ZC3H13: variants seen among roughly 807,000 people sequenced by gnomAD.
ZC3H13 encodes the protein zinc finger CCCH domain-containing protein 13.
A neutral mutation model predicts 204.1 loss-of-function variants in ZC3H13; 64 were observed. That is an observed-to-expected ratio of 0.31 (90% CI 0.26 to 0.39). ZC3H13 has a LOEUF of 0.39. Among genes scored for constraint, ZC3H13 ranks in the 10% least tolerant of loss-of-function variants. ZC3H13 has a pLI of 1.00. For missense variants in ZC3H13, 1,833 were observed against 2,082.7 expected (o/e 0.88, Z 2.33); for synonymous variants, 667 against 693.7 (o/e 0.96, Z 0.60).
intron 8 of ZC3H13, among the ~76,000 whole-genome samples, chr13:45,995,394 T>C (rs2040258614): frequency 6.6e-6 from 1 of 152,200 alleles, no homozygotes; most frequent in Admixed American, 6.5e-5. Context: ...AGTCCAAGCC[T>C]TGGTTAATTT....
At chr13:45,999,146 G>A (rs2040560233) in intron 8 of ZC3H13, among the ~76,000 whole-genome samples, 1 of 152,120 alleles carries the variant, frequency 6.6e-6, no homozygotes, top group Non-Finnish European at 1.5e-5. Flanking sequence ...AGGGTGAGGT[G>A]GGAGGATCAC....
At chr13:46,044,649 G>A (rs1363348858) in intron 3 of ZC3H13, among the ~76,000 whole-genome samples, 1 of 151,986 alleles carries the variant, frequency 6.6e-6, no homozygotes, top group Non-Finnish European at 1.5e-5. Flanking sequence ...AGACACCATG[G>A]AATTCTGCTG....
chr13:46,046,280 T>C (rs979977341), intron 1 of ZC3H13, among the ~76,000 whole-genome samples: 1 of 152,138 alleles, frequency 6.6e-6, no homozygotes, highest in Non-Finnish European at 1.5e-5. Flanking sequence ...TTACCATTAT[T>C]AGTAATAACA....
At position 45,988,844 on chromosome 13, in the gene ZC3H13, T is replaced by C; in HGVS notation, c.1198A>G (p.Arg400Gly). Reference protein sequence around the residue: ...RHRSPMREKGRHDHERTSQSH... With the variant: ...RHRSPMREKGGHDHERTSQSH... ...TGTGAAGTTCGTTCATGATCATGTC[T>C]CCCTTTCTCTCGCATTGGAGAGCGA... Residue 400 changes from arginine (R) to glycine (G), a missense_variant, in exon 9 of 19, where the codon AGA becomes GGA. Physicochemically the swap from Arg to Gly is moderately radical, Grantham distance 125. Around this residue, in one of 5 missense-constraint regions of ZC3H13, gnomAD observed 1,574 missense variants for 1,757.2 expected, o/e 0.90. Coordinates refer to ENST00000679008, the MANE Select transcript of ZC3H13 (RefSeq NM_001330564.2). The C allele has an allele frequency of 6.2e-7, 1 of 1,614,212 alleles. No individual in the cohort carries two copies. Among genetic ancestry groups the C allele is most frequent in the Non-Finnish European group, 8.5e-7 (1 of 1,180,034 alleles).
chr13:45,963,111 T>C (rs1951811176), intron 17 of ZC3H13: 2 of 966,978 alleles, frequency 2.1e-6, no homozygotes, highest in Non-Finnish European at 2.5e-6. Flanking sequence ...TTGCTCCTAA[T>C]TACCATAGGA....
chr13:45,962,084 T>G (rs1054102676), intron 17 of ZC3H13: 1 of 784,976 alleles, frequency 1.3e-6, no homozygotes, highest in Admixed American at 6.2e-5. Flanking sequence ...CAGTATCAAT[T>G]ATTTCATAAA....
Position 45,963,909 on chromosome 13 carries a change from C to A in ZC3H13, c.4608G>T (p.Lys1536Asn). 6.2e-7 allele frequency: 1 copy of A among 1,614,102 alleles called. No individual in the cohort carries two copies. The highest frequency in any genetic ancestry group is 8.5e-7 in the Non-Finnish European group (1 of 1,180,000). ...AVMLRVGISK[K>N]LAGSELFAKV... ...TGGCAAAGAGTTCAGAACCTGCCAA[C>A]TTTTTAGAAATCCCAACTCTTAGCA... The change falls in exon 17 of 19, where the codon AAG (lysine) becomes AAT (asparagine). Residue 1536 changes from lysine to asparagine, a missense_variant. Coordinates refer to ENST00000679008, the MANE Select transcript of ZC3H13 (RefSeq NM_001330564.2).
At chr13:45,984,006 T>C (rs554781571) in intron 10 of ZC3H13, among the ~76,000 whole-genome samples, 22 of 152,288 alleles carry the variant, frequency 1.4e-4, no homozygotes, top group African/African-American at 5.1e-4. Context: ...AAAGCACTGT[T>C]TGAAAGAGAT....
intron 13 of ZC3H13, 51 bp from the exon 14 acceptor site, chr13:45,970,022 C>T (rs750695740): frequency 5.2e-6 from 8 of 1,542,636 alleles, no homozygotes; most frequent in Non-Finnish European, 6.9e-6. Context: ...GTAACCACTG[C>T]ATGGTACATA....
chr13:46,042,310 G>A (rs755048816), intron 3 of ZC3H13, 35 bp from the exon 4 acceptor site: 2 of 1,472,086 alleles, frequency 1.4e-6, no homozygotes, highest in East Asian at 2.3e-5. Flanking sequence ...AACAAAAAAC[G>A]AAACAAAACA....
chr13:46,005,370 T>C (rs2041061072), intron 7 of ZC3H13, among the ~76,000 whole-genome samples: 1 of 152,248 alleles, frequency 6.6e-6, no homozygotes, highest in African/African-American at 2.4e-5. Context: ...GATGTCTCTG[T>C]CATTTCCATT....
At chr13:46,044,859 G>T in intron 3 of ZC3H13, 96 bp downstream of exon 3, 1 of 780,580 alleles carries the variant, frequency 1.3e-6, no homozygotes, top group Non-Finnish European at 1.9e-6. Context: ...TAGAAAATCT[G>T]ACCAAATATA....
chr13:46,049,047 G>T (rs2044210947), intron 1 of ZC3H13, among the ~76,000 whole-genome samples: 1 of 151,500 alleles, frequency 6.6e-6, no homozygotes, highest in Non-Finnish European at 1.5e-5. Flanking sequence ...AGCTACTCGG[G>T]AAGCTGAGGC....
At chr13:46,047,924 G>A (rs1300067430) in intron 1 of ZC3H13, among the ~76,000 whole-genome samples, 4 of 151,942 alleles carry the variant, frequency 2.6e-5, no homozygotes, top group Non-Finnish European at 4.4e-5. Context: ...ACTGCCTCAA[G>A]TGGACTAACA....
rs746288765 is a variant in ZC3H13 at position 45,979,807 on chromosome 13, A to T, written c.1912+6T>A. On this transcript the variant is annotated splice_donor_region_variant and intron_variant, in intron 11 of 18. Transcript: ENST00000679008. The stretch of plus-strand genomic sequence containing the variant: ...TCACTATTTAATAAAATTCTGTTTG[A>T]CAAACCTCTCTCTCTGTTGTCACGA... 2 of 1,555,094 alleles carry T rather than the reference A, an allele frequency of 1.3e-6. No individual in the cohort carries two copies. Among genetic ancestry groups the T allele is most frequent in the Admixed American group, 4.2e-5 (2 of 47,374 alleles).
At chr13:45,962,500 CT>C in intron 17 of ZC3H13, 1 of 983,708 alleles carries the variant, frequency 1.0e-6, no homozygotes, top group South Asian at 4.7e-5. Context: ...GAGTTATTTG[CT>C]TAAGGTCACA....
Position 46,045,430 on chromosome 13 carries a change from T to G in ZC3H13, c.78A>C (p.Val26=), listed in dbSNP as rs1198756587. Residue 26 remains valine (V), a synonymous_variant, in exon 2 of 19, where the codon GTA becomes GTC. Coordinates refer to ENST00000679008, the MANE Select transcript of ZC3H13 (RefSeq NM_001330564.2). ...CAGTGCTGGGTCCAAGCCTCTCAAA[T>G]ACACTGGGTCTTCGGGATGTGCTAT... ...ISDSTSRRPS[V]FERLGPSTGS... is the part of the protein sequence containing the mutation. 1 of 1,614,128 alleles carries G rather than the reference T, an allele frequency of 6.2e-7. No homozygotes were observed. Among genetic ancestry groups the G allele is most frequent in the Non-Finnish European group, 8.5e-7 (1 of 1,179,992 alleles).
chr13:45,997,690 G>A (rs774189994), intron 8 of ZC3H13, among the ~76,000 whole-genome samples: 4 of 152,126 alleles, frequency 2.6e-5, no homozygotes, highest in South Asian at 4.1e-4. Context: ...TCAGAGGATC[G>A]TGTAGCATTG....
chr13:45,965,876 G>A (rs771349642), intron 15 of ZC3H13, among the ~76,000 whole-genome samples: 12 of 151,926 alleles, frequency 7.9e-5, no homozygotes, highest in Non-Finnish European at 1.8e-4. Context: ...AAATTTACTC[G>A]AAGCTTAAAT....
Sources: allele counts gnomAD v4.1 joint callset (sites outside exome capture counted in the v4.1 genomes callset), GRCh38; gene constraint gnomAD v4.1.1; regional missense constraint gnomAD v4.1.1; transcripts MANE v1.5; gene names NCBI Gene and HGNC (gene_info 2026-07-23, HGNC 2026-07-21).